NDUFAF6: variants seen among roughly 807,000 people sequenced by gnomAD.
The protein encoded by NDUFAF6 is NADH:ubiquinone oxidoreductase complex assembly factor 6.
A neutral mutation model predicts 40.8 loss-of-function variants in NDUFAF6; 45 were observed. The observed-to-expected ratio is 1.10, with a 90% CI of 0.87 to 1.42. NDUFAF6 has a LOEUF of 1.42. Among genes scored for constraint, NDUFAF6 ranks in the 40% most tolerant of loss-of-function variants. The pLI is 0.00. For missense variants in NDUFAF6, 435 were observed against 418.5 expected, an observed-to-expected ratio of 1.04 and a Z score of -0.34; for synonymous variants, 185 against 155.9, an observed-to-expected ratio of 1.19 and a Z score of -1.39.
At chr8:95,094,476 G>C (rs766168887) in intron 2 of NDUFAF6, among the ~76,000 whole-genome samples, 1 of 142,822 alleles carries the variant, frequency 7.0e-6, no homozygotes, top group African/African-American at 2.6e-5. Flanking sequence ...GCAGTGGCAC[G>C]ATCTTGGCTC....
chr8:95,052,283 T>C (rs1266999699), intron 8 of NDUFAF6, 53 bp downstream of exon 8: 1 of 1,560,062 alleles, frequency 6.4e-7, no homozygotes, highest in Non-Finnish European at 8.8e-7. Context: ...ATGTGTATGA[T>C]CTGTTTTTAT....
intron 2 of NDUFAF6, 26 bp from the exon 3 acceptor site, chr8:95,035,428 C>G: frequency 1.2e-6 from 2 of 1,612,684 alleles, no homozygotes. Context: ...AATGCATTTG[C>G]TAAAGTTTTT....
At chr8:94,937,835 G>A (rs1821142209) in intron 1 of NDUFAF6, among the ~76,000 whole-genome samples, 1 of 151,996 alleles carries the variant, frequency 6.6e-6, no homozygotes, top group Non-Finnish European at 1.5e-5. Flanking sequence ...CAGCTGTATT[G>A]TCTGGTGGTA....
intron 2 of NDUFAF6, among the ~76,000 whole-genome samples, chr8:94,985,468 TA>T (rs1181651210): frequency 0.026 from 20 of 766 alleles, 1 homozygote; most frequent in East Asian, 0.062. Context: ...AAACAATAAT[TA>T]TATATATATA....
chr8:95,007,546 C>T (rs2131663761), intron 2 of NDUFAF6, among the ~76,000 whole-genome samples: 1 of 151,962 alleles, frequency 6.6e-6, no homozygotes, highest in African/African-American at 2.4e-5. Flanking sequence ...AGCCTGTAGT[C>T]CCAACTAGTT....
chr8:94,990,091 A>G (rs551968189), intron 2 of NDUFAF6, among the ~76,000 whole-genome samples: 1 of 152,298 alleles, frequency 6.6e-6, no homozygotes, highest in East Asian at 1.9e-4. Flanking sequence ...ATCTTCTACT[A>G]GTTGTTATGA....
intron 1 of NDUFAF6, chr8:94,927,666 A>G (rs1422977958): frequency 1.3e-5 from 2 of 152,162 alleles, no homozygotes; most frequent in Non-Finnish European, 2.9e-5. Flanking sequence ...AAAAATAAAC[A>G]TAAGATATAT....
chr8:94,926,974 CT>C (rs1819951848), intron 1 of NDUFAF6: 1 of 152,214 alleles, frequency 6.6e-6, no homozygotes, highest in African/African-American at 2.4e-5. Flanking sequence ...AGAAGGCCCA[CT>C]TTTAACAGAG....
chr8:94,959,553 G>GGC (rs1823388034), intron 1 of NDUFAF6, among the ~76,000 whole-genome samples: 1 of 70,494 alleles, frequency 1.4e-5, no homozygotes. Flanking sequence ...TTTTTTTAGA[G>GGC]ACAGTCTTGC....
intron 1 of NDUFAF6, among the ~76,000 whole-genome samples, chr8:94,906,231 T>C (rs1483865000): frequency 6.6e-6 from 1 of 152,182 alleles, no homozygotes; most frequent in Non-Finnish European, 1.5e-5. Flanking sequence ...TTGGTTCTTC[T>C]CTGTGCTCTT....
chr8:94,914,464 A>G (rs978607626), intron 1 of NDUFAF6, among the ~76,000 whole-genome samples: 22 of 152,296 alleles, frequency 1.4e-4, no homozygotes, highest in Non-Finnish European at 3.2e-4. Flanking sequence ...TGCTCTTTCC[A>G]GCCACCGCCA....
intron 1 of NDUFAF6, among the ~76,000 whole-genome samples, chr8:94,901,890 C>T (rs1320106988): frequency 6.6e-6 from 1 of 152,080 alleles, no homozygotes; most frequent in Non-Finnish European, 1.5e-5. Context: ...CAGCCTTTTA[C>T]GAAAAATTTT....
chr8:95,074,394 T>A (rs1039882475), intron 9 of NDUFAF6, among the ~76,000 whole-genome samples: 6 of 152,016 alleles, frequency 3.9e-5, no homozygotes, highest in Non-Finnish European at 8.8e-5. Context: ...ATTGGATTGG[T>A]CTTTAATCTG....
intron 1 of NDUFAF6, among the ~76,000 whole-genome samples, chr8:94,901,596 T>A (rs1174318795): frequency 2.0e-5 from 3 of 152,100 alleles, no homozygotes; most frequent in Non-Finnish European, 4.4e-5. Flanking sequence ...ATTATTATTA[T>A]TTTGAGACAG....
intron 5 of NDUFAF6, 81 bp from the exon 6 acceptor site, chr8:95,046,913 T>C (rs186640278): frequency 1.8e-4 from 285 of 1,579,360 alleles, no homozygotes; most frequent in Middle Eastern, 3.3e-4. Context: ...TTTACATGTT[T>C]AGGTTATTTC....
At position 95,058,669 on chromosome 8, in the gene NDUFAF6, C is replaced by T. The variant is rs575950816; in HGVS notation, c.*732C>T. On this transcript the variant is annotated 3_prime_UTR_variant, in exon 9 of 9. Transcript: ENST00000396124. ...AGAAAGTTTGTATAAGTGATATGAA[C>T]GGTATTGTATTGAACATCCATTAAA... is the stretch of plus-strand genomic sequence containing the variant. 80 of 1,052,488 alleles carry T rather than the reference C, an allele frequency of 7.6e-5. No individual in the cohort carries two copies. The East Asian group carries it at 8.9e-4, about 12-fold the overall frequency. The allele number at this position is 1,052,488 out of a possible 1,614,324, so 65.2% of individuals were successfully genotyped here.
intron 1 of NDUFAF6, among the ~76,000 whole-genome samples, chr8:95,028,102 C>T (rs1828394479): frequency 6.6e-6 from 1 of 152,202 alleles, no homozygotes; most frequent in African/African-American, 2.4e-5. Flanking sequence ...CTCAGTGGCA[C>T]AGGTCCATGG....
chr8:95,010,954 C>A (rs149208721), intron 2 of NDUFAF6, among the ~76,000 whole-genome samples: 1 of 152,342 alleles, frequency 6.6e-6, no homozygotes, highest in East Asian at 1.9e-4. Context: ...CCAGGGGAGC[C>A]GTGAGCACAG....
chr8:95,114,374 A>G (rs1810083273), intron 4 of NDUFAF6, among the ~76,000 whole-genome samples: 1 of 152,208 alleles, frequency 6.6e-6, no homozygotes, highest in Non-Finnish European at 1.5e-5. Flanking sequence ...ACAGGACCGC[A>G]AAAGCAGCTG....
Sources: allele counts gnomAD v4.1 joint callset (sites outside exome capture counted in the v4.1 genomes callset), GRCh38; gene constraint gnomAD v4.1.1; transcripts MANE v1.5; gene names NCBI Gene and HGNC (gene_info 2026-07-23, HGNC 2026-07-21).